The following GPR137C variants were observed in gnomAD, a reference collection of about 807,000 sequenced individuals.
GPR137C encodes G protein-coupled receptor 137C.
A neutral mutation model predicts 43.4 loss-of-function variants in GPR137C; 27 were observed. The ratio of observed to expected loss-of-function variants is 0.62; its 90% CI spans 0.46 to 0.86. The LOEUF (loss-of-function observed/expected upper bound fraction) is 0.86. Among genes scored for constraint, GPR137C ranks in the 40% least tolerant of loss-of-function variants. The pLI is 0.00. For missense variants in GPR137C, 522 were observed against 534.6 expected, an observed-to-expected ratio of 0.98 and a Z score of 0.23; for synonymous variants, 285 against 226.9, an observed-to-expected ratio of 1.26 and a Z score of -2.30.
chr14:52,600,166 A>G lies in GPR137C; in HGVS notation c.542A>G (p.Asn181Ser). The change falls in exon 3 of 7, where the codon AAC becomes AGC. Residue 181 changes from asparagine (N) to serine (S), a missense_variant. Asn to Ser is a conservative substitution (Grantham distance 46). Transcript: ENST00000321662. ...IMASLLFLVVNLTCAMLVHGD... is the reference protein window; with the variant it reads ...IMASLLFLVVSLTCAMLVHGD... ...GCAAGCCTGCTCTTTTTAGTGGTGAACTTGACTTGCGCAATGCTAGTTCAT... is the reference window on the plus strand; with the variant it reads ...GCAAGCCTGCTCTTTTTAGTGGTGAGCTTGACTTGCGCAATGCTAGTTCAT... 6.2e-7 allele frequency: 1 copy of G among 1,613,980 alleles called. No homozygotes were observed. The highest frequency in any genetic ancestry group is 8.5e-7 in the Non-Finnish European group (1 of 1,179,866).
At chr14:52,561,445 A>T (rs558133777) in intron 1 of GPR137C, among the ~76,000 whole-genome samples, 1 of 152,254 alleles carries the variant, frequency 6.6e-6, no homozygotes, top group African/African-American at 2.4e-5. Context: ...CTGTCTCAAA[A>T]CAAAACTTAT....
intron 1 of GPR137C, among the ~76,000 whole-genome samples, chr14:52,557,259 ATAGT>A (rs1374203017): frequency 6.6e-6 from 1 of 152,208 alleles, no homozygotes; most frequent in Admixed American, 6.5e-5. Context: ...AATTTAGAAA[ATAGT>A]TATCTAAAAT....
chr14:52,622,405 A>G (rs1191930810), intron 3 of GPR137C, among the ~76,000 whole-genome samples: 1 of 152,120 alleles, frequency 6.6e-6, no homozygotes, highest in African/African-American at 2.4e-5. Flanking sequence ...ATTCAAAAGC[A>G]TGTGTTAATT....
intron 1 of GPR137C, among the ~76,000 whole-genome samples, chr14:52,578,512 A>G (rs984597580): frequency 1.3e-5 from 2 of 152,074 alleles, no homozygotes; most frequent in South Asian, 4.1e-4. Flanking sequence ...CATGAGCTCC[A>G]TATCTACTCT....
At position 52,600,297 on chromosome 14, in the gene GPR137C, A is replaced by G; in HGVS notation, c.673A>G (p.Lys225Glu). The change falls in exon 3 of 7, where the codon AAA becomes GAA. Residue 225 changes from lysine to glutamate, a missense_variant. By Grantham distance (56) the Lys-to-Glu change is moderately conservative. This residue lies in a region of GPR137C where 437 missense variants were observed against 425.7 expected (regional missense o/e 1.03). Transcript: ENST00000321662. ...CATCTCTTTAGTGTGTTACATATGCAAAATTACAAAAATGTCATCAGCTAA... is the reference window on the plus strand; with the variant it reads ...CATCTCTTTAGTGTGTTACATATGCGAAATTACAAAAATGTCATCAGCTAA... Reference protein sequence around the residue: ...CAISLVCYICKITKMSSANVY... With the variant: ...CAISLVCYICEITKMSSANVY... 1 of 1,611,452 alleles carries G rather than the reference A, an allele frequency of 6.2e-7. No individual in the cohort carries two copies. Among genetic ancestry groups the G allele is most frequent in the Non-Finnish European group, 8.5e-7 (1 of 1,177,904 alleles).
chr14:52,577,116 G>T (rs2038566131), intron 1 of GPR137C, among the ~76,000 whole-genome samples: 1 of 149,338 alleles, frequency 6.7e-6, no homozygotes, highest in South Asian at 2.1e-4. Flanking sequence ...GAACCCGGGG[G>T]GCGGAGGTTG....
intron 3 of GPR137C, among the ~76,000 whole-genome samples, chr14:52,621,954 TAAAA>T: frequency 6.6e-6 from 1 of 151,940 alleles, no homozygotes; most frequent in African/African-American, 2.4e-5. Context: ...ACATGTTTTA[TAAAA>T]AAATTTTTAT....
rs541240873 is a variant in GPR137C, at chr14:52,577,798, A to C, written c.445-20474A>C. Among the ~76,000 whole-genome samples the C allele has an allele frequency of 6.3e-3, 762 of 120,916 alleles. 10 individuals are homozygous for C. The highest frequency in any genetic ancestry group is 0.024 in the African/African-American group (730 of 30,026). The allele number at this position is 120,916 out of a possible 152,430, so 79.3% of individuals were successfully genotyped here. ...GGCAACATAGCAAAACACCATCTCT[A>C]CAAAAAAAAAAAAAAAAAATTAGCT... On this transcript the variant is annotated intron_variant, in intron 1 of 6. Coordinates refer to ENST00000321662, the MANE Select transcript of GPR137C (RefSeq NM_001099652.2).
At chr14:52,592,231 T>C (rs1018297938) in intron 1 of GPR137C, among the ~76,000 whole-genome samples, 4 of 152,212 alleles carry the variant, frequency 2.6e-5, no homozygotes, top group Non-Finnish European at 5.9e-5. Flanking sequence ...ACTGTAGCCT[T>C]ATAGTATAGT....
intron 6 of GPR137C, 57 bp from the exon 7 acceptor site, chr14:52,634,881 T>G: frequency 6.9e-7 from 1 of 1,444,764 alleles, no homozygotes; most frequent in Non-Finnish European, 9.4e-7. Flanking sequence ...AATTCAAATG[T>G]GACTTCTTAT....
intron 1 of GPR137C, among the ~76,000 whole-genome samples, chr14:52,593,261 A>G (rs1431108046): frequency 1.3e-5 from 2 of 152,230 alleles, no homozygotes; most frequent in Admixed American, 6.5e-5. Flanking sequence ...TTTCACATCT[A>G]TGTTTATTAG....
intron 3 of GPR137C, among the ~76,000 whole-genome samples, chr14:52,621,088 T>A (rs913018623): frequency 7.9e-5 from 12 of 151,684 alleles, no homozygotes; most frequent in Non-Finnish European, 1.3e-4. Flanking sequence ...AGGATAAATA[T>A]GAAGAAAATT....
intron 1 of GPR137C, among the ~76,000 whole-genome samples, chr14:52,583,397 G>A (rs1027868848): frequency 6.6e-6 from 1 of 152,106 alleles, no homozygotes; most frequent in Non-Finnish European, 1.5e-5. Context: ...TAAGCACCTG[G>A]TTATGCTTCT....
At position 52,632,219 on chromosome 14, in the gene GPR137C, C is replaced by G; in HGVS notation, c.777C>G (p.Ser259=). 1.2e-6 allele frequency: 2 copies of G among 1,607,666 alleles called. No individual in the cohort carries two copies. Among genetic ancestry groups the G allele is most frequent in the Non-Finnish European group, 1.7e-6 (2 of 1,174,288 alleles). Residue 259 remains serine, a synonymous_variant, in exon 4 of 7, where the codon TCC becomes TCG. Coordinates refer to ENST00000321662, the MANE Select transcript of GPR137C (RefSeq NM_001099652.2). ...VGSVVILLYS[S]RACYNLVVVT... is the part of the protein sequence containing the mutation. ...CTGTAGTCATTCTTCTGTACTCTTCCAGAGCTTGTTATAATTTGGTGGTGG... is the reference window on the plus strand; with the variant it reads ...CTGTAGTCATTCTTCTGTACTCTTCGAGAGCTTGTTATAATTTGGTGGTGG...
intron 3 of GPR137C, among the ~76,000 whole-genome samples, chr14:52,627,346 TCACAC>T (rs1196147573): frequency 3.9e-5 from 6 of 152,112 alleles, no homozygotes; most frequent in African/African-American, 1.2e-4. Flanking sequence ...TGAGCTTTGA[TCACAC>T]CAAAGCACTT....
chr14:52,599,860 T>G (rs1031551455), intron 2 of GPR137C, among the ~76,000 whole-genome samples: 1 of 152,252 alleles, frequency 6.6e-6, no homozygotes, highest in Non-Finnish European at 1.5e-5. Context: ...AATGTAAATA[T>G]GCTTAATAGT....
At chr14:52,596,185 C>T (rs1217840626) in intron 1 of GPR137C, among the ~76,000 whole-genome samples, 9 of 152,142 alleles carry the variant, frequency 5.9e-5, no homozygotes, top group Admixed American at 2.0e-4. Flanking sequence ...TTGGTCCTTC[C>T]TCTGGATGCT....
intron 1 of GPR137C, among the ~76,000 whole-genome samples, chr14:52,555,688 TA>T (rs920728445): frequency 1.9e-4 from 29 of 152,310 alleles, no homozygotes; most frequent in African/African-American, 7.0e-4. Context: ...AAAACTCTAT[TA>T]ACCTGAAAAA....
chr14:52,581,153 G>T (rs1018918753), intron 1 of GPR137C, among the ~76,000 whole-genome samples: 1 of 138,606 alleles, frequency 7.2e-6, no homozygotes, highest in Admixed American at 7.4e-5. Flanking sequence ...CCGAGATTGC[G>T]CCACTGCACT....
Sources: gnomAD v4.1 joint callset for allele counts (sites outside exome capture counted in the v4.1 genomes callset) on GRCh38, gnomAD v4.1.1 for gene constraint, gnomAD v4.1.1 regional missense constraint, MANE v1.5 for transcripts, NCBI Gene and HGNC (gene_info 2026-07-23, HGNC 2026-07-21) for gene names.